The following IGSF11 variants were observed in gnomAD, a reference collection of about 807,000 sequenced individuals.
IGSF11 encodes CXADR like 1.
Under a neutral mutation model 41.0 loss-of-function variants are expected in IGSF11, and 22 were observed. That is an observed-to-expected ratio of 0.54 (90% CI 0.38 to 0.77). The LOEUF is 0.77. IGSF11 is among the 30% of genes least tolerant of loss of function. The pLI, the probability that IGSF11 is intolerant of heterozygous loss-of-function variation, is 0.00. For missense variants in IGSF11, 444 were observed against 530.8 expected, an observed-to-expected ratio of 0.84 and a Z score of 1.61; for synonymous variants, 219 against 201.3, an observed-to-expected ratio of 1.09 and a Z score of -0.74.
chr3:119,130,523 G>A (rs1232415829), intron 1 of IGSF11, among the ~76,000 whole-genome samples: 2 of 152,204 alleles, frequency 1.3e-5, no homozygotes, highest in African/African-American at 2.4e-5. Flanking sequence ...CCACATTACT[G>A]AGGCTTGAGT....
intron 1 of IGSF11, among the ~76,000 whole-genome samples, chr3:119,021,088 T>C (rs1233869380): frequency 6.6e-6 from 1 of 152,190 alleles, no homozygotes; most frequent in Non-Finnish European, 1.5e-5. Flanking sequence ...CATATGACAC[T>C]GAATTTGGAA....
At chr3:118,957,550 A>G (rs185990183) in intron 1 of IGSF11, among the ~76,000 whole-genome samples, 166 of 152,326 alleles carry the variant, frequency 1.1e-3, no homozygotes, top group African/African-American at 3.8e-3. Flanking sequence ...TCAGAATCAA[A>G]TTTTGAATAT....
chr3:118,956,309 T>C (rs1353157718), intron 1 of IGSF11, among the ~76,000 whole-genome samples: 1 of 152,226 alleles, frequency 6.6e-6, no homozygotes, highest in East Asian at 1.9e-4. Flanking sequence ...GTATCACTTC[T>C]AATCTCCTTC....
upstream of IGSF11, among the ~76,000 whole-genome samples, chr3:119,035,523 C>T (rs1470571002): frequency 1.3e-5 from 2 of 152,162 alleles, no homozygotes; most frequent in African/African-American, 4.8e-5. Flanking sequence ...AGTTTTCCAG[C>T]TTAAACGTTA....
intron 1 of IGSF11, among the ~76,000 whole-genome samples, chr3:118,932,202 A>G (rs915728056): frequency 3.3e-5 from 5 of 152,252 alleles, no homozygotes; most frequent in African/African-American, 9.6e-5. Flanking sequence ...ATGATGAAAC[A>G]GTATGGAAAT....
intron 1 of IGSF11, among the ~76,000 whole-genome samples, chr3:119,080,813 T>A (rs2076574114): frequency 6.6e-6 from 1 of 152,208 alleles, no homozygotes; most frequent in Non-Finnish European, 1.5e-5. Context: ...ATGCTTAATT[T>A]GCATCTTTAA....
At chr3:119,007,388 G>A (rs7632537) in intron 1 of IGSF11, among the ~76,000 whole-genome samples, 53,058 of 142,114 alleles carry the variant, frequency 0.37, 12,323 homozygotes, top group African/African-American at 0.67. Flanking sequence ...AGATGAACCC[G>A]GTACCTCAGA....
intron 4 of IGSF11, among the ~76,000 whole-genome samples, chr3:118,923,864 G>A (rs72966878): frequency 6.6e-6 from 1 of 152,166 alleles, no homozygotes; most frequent in African/African-American, 2.4e-5. Context: ...CGTGATAGCA[G>A]TTTGTCACAA....
chr3:118,986,670 C>T (rs1022552665), intron 1 of IGSF11, among the ~76,000 whole-genome samples: 2 of 152,128 alleles, frequency 1.3e-5, no homozygotes, highest in African/African-American at 4.8e-5. Context: ...GAGAAGGAAA[C>T]TACAGCTTAG....
chr3:118,923,701 T>G (rs1376597445), intron 4 of IGSF11, among the ~76,000 whole-genome samples: 1 of 152,172 alleles, frequency 6.6e-6, no homozygotes, highest in Non-Finnish European at 1.5e-5. Flanking sequence ...AATTGCAACC[T>G]CAGGGTTAAC....
chr3:119,137,551 C>A (rs1576841417), intron 1 of IGSF11, among the ~76,000 whole-genome samples: 1 of 152,084 alleles, frequency 6.6e-6, no homozygotes, highest in East Asian at 1.9e-4. Context: ...CTATCTCTCA[C>A]CATATAAAAG....
At position 118,923,749 on chromosome 3, in the gene IGSF11, CGTTT is replaced by C. The variant is rs529913792; in HGVS notation, c.580+2348_580+2351del. Among the ~76,000 whole-genome samples the C allele has an allele frequency of 3.3e-3, 503 of 152,232 alleles. 1 individual carries two copies. Among genetic ancestry groups the C allele is most frequent in the Non-Finnish European group, 4.7e-3 (322 of 68,018 alleles). On this transcript the variant is annotated intron_variant, in intron 4 of 6. Transcript: ENST00000393775. ...TTCAATTTGAACAGTTTTGCCTTCA[CGTTT>C]GTTTGTTTGAGGTTTCCTCATAATG...
intron 1 of IGSF11, among the ~76,000 whole-genome samples, chr3:118,937,152 G>A (rs766741723): frequency 5.9e-5 from 9 of 152,182 alleles, no homozygotes; most frequent in Non-Finnish European, 1.2e-4. Context: ...ACTTTGGGAG[G>A]CCTATGTTAT....
At chr3:118,987,211 G>A (rs1442782508) in intron 1 of IGSF11, among the ~76,000 whole-genome samples, 2 of 152,164 alleles carry the variant, frequency 1.3e-5, no homozygotes, top group African/African-American at 2.4e-5. Flanking sequence ...CTCTGCGAAT[G>A]GAATGCAAAA....
At chr3:118,994,938 G>C (rs1428587267) in intron 1 of IGSF11, among the ~76,000 whole-genome samples, 2 of 152,158 alleles carry the variant, frequency 1.3e-5, no homozygotes, top group Non-Finnish European at 2.9e-5. Flanking sequence ...AGGAAAGCAG[G>C]CCACAGTCAA....
chr3:118,932,323 G>A (rs1942928157), intron 1 of IGSF11, among the ~76,000 whole-genome samples: 1 of 152,140 alleles, frequency 6.6e-6, no homozygotes, highest in Non-Finnish European at 1.5e-5. Flanking sequence ...TGAAGTGATA[G>A]TATCTCAATT....
intron 1 of IGSF11, among the ~76,000 whole-genome samples, chr3:119,010,853 T>C (rs1024733423): frequency 6.6e-5 from 10 of 152,240 alleles, no homozygotes; most frequent in African/African-American, 2.4e-4. Context: ...CTTCTCTAAA[T>C]ACCTGTGTAC....
chr3:119,107,250 T>C (rs2077047717), upstream of IGSF11, among the ~76,000 whole-genome samples: 1 of 152,230 alleles, frequency 6.6e-6, no homozygotes, highest in Non-Finnish European at 1.5e-5. Flanking sequence ...CCAGCACCTG[T>C]TGTTTCCTGA....
chr3:119,064,189 G>C (rs919370449), intron 1 of IGSF11, among the ~76,000 whole-genome samples: 1 of 149,376 alleles, frequency 6.7e-6, no homozygotes, highest in Non-Finnish European at 1.5e-5. Context: ...AAGCTTTTTT[G>C]TTTTACTTTT....
Sources: gnomAD v4.1 joint callset for allele counts (sites outside exome capture counted in the v4.1 genomes callset) on GRCh38, gnomAD v4.1.1 for gene constraint, MANE v1.5 for transcripts, NCBI Gene and HGNC (gene_info 2026-07-23, HGNC 2026-07-21) for gene names.